UNC93A: variants seen among roughly 807,000 people sequenced by gnomAD.
UNC93A encodes the protein unc-93 homolog A.
In UNC93A, 43 loss-of-function variants were observed where a neutral mutation model predicts 47.5. The ratio of observed to expected loss-of-function variants is 0.91; its 90% CI spans 0.71 to 1.17. The LOEUF is 1.17. Ranked by LOEUF, UNC93A falls within the 50% of genes most tolerant of loss-of-function variation. UNC93A has a pLI of 0.00. For synonymous variants in UNC93A, 280 were observed against 258.0 expected, an observed-to-expected ratio of 1.09 and a Z score of -0.82; for missense variants, 605 against 577.6, an observed-to-expected ratio of 1.05 and a Z score of -0.49.
intron 1 of UNC93A, among the ~76,000 whole-genome samples, chr6:167,272,440 C>G (rs954124388): frequency 4.6e-5 from 7 of 152,214 alleles, no homozygotes; most frequent in Non-Finnish European, 1.0e-4. Context: ...GAGCCAAACT[C>G]TGTAAAATAT....
At chr6:167,303,837 A>T (rs1778306982) in intron 4 of UNC93A, 82 bp from the exon 5 acceptor site, 22 of 1,372,466 alleles carry the variant, frequency 1.6e-5, no homozygotes, top group Non-Finnish European at 2.0e-5. Flanking sequence ...CGAGAGGAGG[A>T]TGAGTGACTG....
chr6:167,297,821 A>T (rs1303454682), intron 3 of UNC93A, 124 bp from the exon 4 acceptor site: 3 of 1,252,024 alleles, frequency 2.4e-6, no homozygotes, highest in East Asian at 4.7e-5. Context: ...TTTCCACGTG[A>T]CCTGTAGTGA....
At chr6:167,299,130 ATACACAC>A (rs1179202553) in intron 4 of UNC93A, among the ~76,000 whole-genome samples, 1,449 of 118,876 alleles carry the variant, frequency 0.012, 41 homozygotes, top group African/African-American at 0.053. Flanking sequence ...AAAAAAAAAA[ATACACAC>A]ACACACACAC....
In UNC93A at chr6:167,297,875, A is replaced by G; in HGVS notation, c.500-70A>G. On this transcript the variant is annotated intron_variant, in intron 3 of 7. Transcript: ENST00000230256. ...CAATGTCCTTTCCACTGTCACTTTG[A>G]TTTCTCAAGAACCTACATCTTGTCA... The G allele has an allele frequency of 3.2e-6, 5 of 1,572,600 alleles. No individual in the cohort carries two copies. The South Asian group carries it at 3.5e-5, about 11-fold the overall frequency.
chr6:167,300,008 T>A (rs1008152293), intron 4 of UNC93A, among the ~76,000 whole-genome samples: 1 of 151,642 alleles, frequency 6.6e-6, no homozygotes, highest in Non-Finnish European at 1.5e-5. Context: ...GAGGCAGAGA[T>A]GGAGGGGCTG....
chr6:167,300,120 C>T (rs1778200981), intron 4 of UNC93A, among the ~76,000 whole-genome samples: 1 of 152,164 alleles, frequency 6.6e-6, no homozygotes, highest in African/African-American at 2.4e-5. Context: ...GAACACCTGG[C>T]TTGAGGACGC....
At chr6:167,310,635 C>T (rs1778531478) in intron 7 of UNC93A, among the ~76,000 whole-genome samples, 1 of 152,208 alleles carries the variant, frequency 6.6e-6, no homozygotes, top group South Asian at 2.1e-4. Flanking sequence ...AATCCCACCA[C>T]TTTGGGAGGA....
At chr6:167,299,016 G>C (rs1195368226) in intron 4 of UNC93A, among the ~76,000 whole-genome samples, 1 of 151,306 alleles carries the variant, frequency 6.6e-6, no homozygotes, top group African/African-American at 2.4e-5. Flanking sequence ...TACTCGGGGG[G>C]CTGAGGCAGG....
chr6:167,275,488 C>T (rs868099499), intron 1 of UNC93A, among the ~76,000 whole-genome samples: 2 of 152,346 alleles, frequency 1.3e-5, no homozygotes, highest in East Asian at 1.9e-4. Context: ...GTGGTCAGCT[C>T]ACCCACCCCC....
chr6:167,305,946 T>C lies in UNC93A; in HGVS notation c.872T>C (p.Phe291Ser). The change falls in exon 6 of 8, where the codon TTC (phenylalanine) becomes TCC (serine). Residue 291 changes from phenylalanine (F) to serine (S), a missense_variant. Coordinates refer to ENST00000230256, the MANE Select transcript of UNC93A (RefSeq NM_018974.4). Reference protein sequence around the residue: ...SYVTCTLGIQFVGYVMICFSA... With the variant: ...SYVTCTLGIQSVGYVMICFSA... Reference sequence around the variant, plus strand: ...GTCACCTGCACCCTGGGCATCCAGTTCGTCGGCTACGTGATGATCTGCTTC... The same window carrying C: ...GTCACCTGCACCCTGGGCATCCAGTCCGTCGGCTACGTGATGATCTGCTTC... The C allele has an allele frequency of 6.2e-7, 1 of 1,614,124 alleles. No homozygotes were observed. Among genetic ancestry groups the C allele is most frequent in the Non-Finnish European group, 8.5e-7 (1 of 1,179,972 alleles).
At chr6:167,300,593 A>G (rs551242376) in intron 4 of UNC93A, among the ~76,000 whole-genome samples, 1 of 152,252 alleles carries the variant, frequency 6.6e-6, no homozygotes, top group African/African-American at 2.4e-5. Context: ...GAAGGTGTGG[A>G]CAGGGAGTCA....
At chr6:167,290,248 G>A (rs1783817973), upstream of UNC93A, among the ~76,000 whole-genome samples, 1 of 152,158 alleles carries the variant, frequency 6.6e-6, no homozygotes, top group African/African-American at 2.4e-5. Flanking sequence ...GATAGTCCAT[G>A]TTTAGTTAAT....
At position 167,305,948 on chromosome 6, in the gene UNC93A, G is replaced by A. The variant is rs2072767; in HGVS notation, c.874G>A (p.Val292Ile). ...CACCTGCACCCTGGGCATCCAGTTC[G>A]TCGGCTACGTGATGATCTGCTTCTC... ...YVTCTLGIQF[V>I]GYVMICFSAT... The change falls in exon 6 of 8, where the codon GTC becomes ATC. Residue 292 changes from valine (V) to isoleucine (I), a missense_variant. Physicochemically the swap from Val to Ile is conservative, Grantham distance 29 (BLOSUM62 3). Coordinates refer to ENST00000230256, the MANE Select transcript of UNC93A (RefSeq NM_018974.4). 0.26 allele frequency: 412,633 copies of A among 1,613,812 alleles called. 53,938 individuals carry two copies. The highest frequency in any genetic ancestry group is 0.36 in the South Asian group (32,963 of 91,074).
intron 6 of UNC93A, among the ~76,000 whole-genome samples, chr6:167,307,252 C>T (rs985873201): frequency 2.0e-5 from 3 of 152,154 alleles, no homozygotes; most frequent in Non-Finnish European, 2.9e-5. Flanking sequence ...GCTGAGGCTG[C>T]GGGTCACGCA....
intron 5 of UNC93A, among the ~76,000 whole-genome samples, chr6:167,305,379 G>A (rs2115163330): frequency 6.6e-6 from 1 of 152,284 alleles, no homozygotes; most frequent in East Asian, 1.9e-4. Flanking sequence ...TGTCCCCCCT[G>A]ATGTGGCTGT....
At chr6:167,278,475 C>T (rs939021287) in intron 1 of UNC93A, among the ~76,000 whole-genome samples, 6 of 152,206 alleles carry the variant, frequency 3.9e-5, no homozygotes, top group South Asian at 2.1e-4. Flanking sequence ...ATCATGAGGA[C>T]CCACGGCCTG....
At chr6:167,277,685 G>T (rs910290570) in intron 1 of UNC93A, among the ~76,000 whole-genome samples, 3 of 138,018 alleles carry the variant, frequency 2.2e-5, no homozygotes, top group Admixed American at 7.4e-5. Context: ...TTCTCTTTCT[G>T]TCTCTCTCTG....
chr6:167,299,788 A>G lies in UNC93A; in HGVS notation c.625+1718A>G, dbSNP rs975999596. On this transcript the variant is annotated intron_variant, in intron 4 of 7. Coordinates refer to ENST00000230256, the MANE Select transcript of UNC93A (RefSeq NM_018974.4). ...GTCCCTGGAGGCGAGATGTCCAGGA[A>G]GAGCCCGCAGGGCTGGGGGCAAGGT... 3.9e-5 allele frequency among the ~76,000 whole-genome samples: 6 copies of G among 152,336 alleles called. No individual in the cohort carries two copies. In the South Asian group the frequency reaches 1.2e-3, roughly 32 times the overall value.
At position 167,307,954 on chromosome 6, in the gene UNC93A, C is replaced by T. The variant is rs201720906; in HGVS notation, c.1108+44C>T. On this transcript the variant is annotated intron_variant, in intron 7 of 7. Transcript: ENST00000230256. ...CCCCTTCCTCTGTGGCAGCAGGGGG[C>T]GGTCCCTGGCCAAGGCAACTGTGGG... The T allele has an allele frequency of 8.1e-4, 1,307 of 1,605,716 alleles. 14 individuals are homozygous for T. The African/African-American group carries it at 0.016, about 20-fold the overall frequency.
Sources: gnomAD v4.1 joint callset for allele counts (sites outside exome capture counted in the v4.1 genomes callset) on GRCh38, gnomAD v4.1.1 for gene constraint, MANE v1.5 for transcripts, NCBI Gene and HGNC (gene_info 2026-07-23, HGNC 2026-07-21) for gene names.